SPRR2B: variants seen among roughly 807,000 people sequenced by gnomAD.
SPRR2B encodes the protein small proline rich protein 2B.
A neutral mutation model predicts 1.0 loss-of-function variants in SPRR2B; 1 was observed. That is an observed-to-expected ratio of 1.01 (90% CI 0.36 to 4.77). The LOEUF is 4.77. SPRR2B is among the 30% of genes most tolerant of loss of function. The pLI, the probability that SPRR2B is intolerant of heterozygous loss-of-function variation, is 0.16. For missense variants in SPRR2B, 53 were observed against 88.7 expected, an observed-to-expected ratio of 0.60 and a Z score of 1.62; for synonymous variants, 27 against 33.4, an observed-to-expected ratio of 0.81 and a Z score of 0.66.
At chr1:153,082,031 T>C in the SPRR2B span, among the ~76,000 whole-genome samples, 1 of 152,162 alleles carries the variant, frequency 6.6e-6, no homozygotes, top group African/African-American at 2.4e-5. Flanking sequence ...CATTTCGCCA[T>C]GTTGGGCAGG....
chr1:153,081,908 C>T, the SPRR2B span, among the ~76,000 whole-genome samples: 8 of 151,410 alleles, frequency 5.3e-5, no homozygotes, highest in East Asian at 9.7e-4. Flanking sequence ...CTGCAACCTC[C>T]GCCTCTGGGC....
the SPRR2B span, among the ~76,000 whole-genome samples, chr1:153,083,980 G>A: frequency 6.6e-6 from 1 of 152,182 alleles, no homozygotes; most frequent in Non-Finnish European, 1.5e-5. Context: ...TTCAGATGGG[G>A]CCAGTCTGAC....
the SPRR2B span, among the ~76,000 whole-genome samples, chr1:153,080,046 A>C: frequency 6.6e-6 from 1 of 152,158 alleles, no homozygotes; most frequent in Non-Finnish European, 1.5e-5. Context: ...TTCATTGAGA[A>C]GTGGTTTGTA....
upstream of SPRR2B, among the ~76,000 whole-genome samples, chr1:153,074,751 A>G (rs1654740330): frequency 2.6e-5 from 4 of 152,224 alleles, no homozygotes; most frequent in Admixed American, 2.0e-4. Flanking sequence ...TATTCTCCAA[A>G]TGTTACCTAT....
chr1:153,087,193 T>C, the SPRR2B span, among the ~76,000 whole-genome samples: 1 of 151,938 alleles, frequency 6.6e-6, no homozygotes, highest in African/African-American at 2.4e-5. Flanking sequence ...GGCAGGAGAA[T>C]TGCTTGAAAC....
At chr1:153,080,938 T>C in the SPRR2B span, among the ~76,000 whole-genome samples, 2 of 152,178 alleles carry the variant, frequency 1.3e-5, no homozygotes, top group South Asian at 2.1e-4. Context: ...ACTCATGCAA[T>C]GGAATGCTGT....
chr1:153,081,982 G>T, the SPRR2B span, among the ~76,000 whole-genome samples: 60,796 of 151,902 alleles, frequency 0.4, 12,608 homozygotes, highest in Non-Finnish European at 0.46. Flanking sequence ...ATCCAGCTAA[G>T]TTTTGTATTT....
At chr1:153,072,853 C>T (rs978887884), upstream of SPRR2B, among the ~76,000 whole-genome samples, 1 of 152,142 alleles carries the variant, frequency 6.6e-6, no homozygotes, top group Non-Finnish European at 1.5e-5. Context: ...ACTCTTCCTG[C>T]AATCAATGGG....
chr1:153,075,065 G>T (rs1471614182), upstream of SPRR2B, among the ~76,000 whole-genome samples: 2 of 152,146 alleles, frequency 1.3e-5, no homozygotes, highest in Non-Finnish European at 1.5e-5. Flanking sequence ...AATTCACCAG[G>T]CCGGGAACGG....
At chr1:153,079,727 T>A in the SPRR2B span, among the ~76,000 whole-genome samples, 1 of 152,252 alleles carries the variant, frequency 6.6e-6, no homozygotes, top group South Asian at 2.1e-4. Flanking sequence ...GGTCTATATC[T>A]CTGTTTTGGT....
chr1:153,071,911 T>G (rs1371608646), upstream of SPRR2B, among the ~76,000 whole-genome samples: 4 of 152,170 alleles, frequency 2.6e-5, no homozygotes, highest in African/African-American at 9.7e-5. Context: ...TCATAAAACT[T>G]CCTGCCCCGA....
chr1:153,081,355 G>A, the SPRR2B span, among the ~76,000 whole-genome samples: 1 of 152,328 alleles, frequency 6.6e-6, no homozygotes, highest in Admixed American at 6.5e-5. Context: ...TTGACCAAAT[G>A]CTCATCAGAA....
the SPRR2B span, among the ~76,000 whole-genome samples, chr1:153,087,186 A>C: frequency 1.3e-5 from 2 of 152,148 alleles, no homozygotes; most frequent in Non-Finnish European, 2.9e-5. Context: ...AGGCTAAGGC[A>C]GGAGAATTGC....
chr1:153,080,743 G>A, the SPRR2B span, among the ~76,000 whole-genome samples: 1 of 152,064 alleles, frequency 6.6e-6, no homozygotes, highest in Non-Finnish European at 1.5e-5. Context: ...AATCTTAAAA[G>A]ATAAACATAA....
the SPRR2B span, among the ~76,000 whole-genome samples, chr1:153,078,724 T>C: frequency 6.6e-6 from 1 of 152,234 alleles, no homozygotes; most frequent in Non-Finnish European, 1.5e-5. Context: ...TAGTATTCCA[T>C]GGTGTATATG....
chr1:153,083,486 C>G, the SPRR2B span, among the ~76,000 whole-genome samples: 1 of 152,054 alleles, frequency 6.6e-6, no homozygotes, highest in Non-Finnish European at 1.5e-5. Context: ...CAACTGGATG[C>G]AGCCAGGTGG....
At chr1:153,079,361 T>C in the SPRR2B span, among the ~76,000 whole-genome samples, 1 of 152,224 alleles carries the variant, frequency 6.6e-6, no homozygotes, top group East Asian at 1.9e-4. Context: ...AGAAGCTCTT[T>C]AGTTTAATTA....
upstream of SPRR2B, among the ~76,000 whole-genome samples, chr1:153,073,031 G>A (rs1212011362): frequency 2.0e-5 from 3 of 152,174 alleles, no homozygotes; most frequent in African/African-American, 4.8e-5. Context: ...ATTCTTTGGA[G>A]CACTCACCAG....
upstream of SPRR2B, among the ~76,000 whole-genome samples, chr1:153,072,486 AC>A (rs1489921843): frequency 6.6e-6 from 1 of 152,236 alleles, no homozygotes; most frequent in Non-Finnish European, 1.5e-5. Context: ...CCTATAGAGA[AC>A]AAAATGCATA....
Sources: allele counts gnomAD v4.1 joint callset (sites outside exome capture counted in the v4.1 genomes callset), GRCh38; gene constraint gnomAD v4.1.1; transcripts MANE v1.5; gene names NCBI Gene and HGNC (gene_info 2026-07-23, HGNC 2026-07-21).